Variants in POLA2 observed in about 807,000 individuals in gnomAD.
POLA2 encodes the protein DNA polymerase alpha subunit B.
Under a neutral mutation model 82.8 loss-of-function variants are expected in POLA2, and 47 were observed. The observed-to-expected ratio is 0.57, with a 90% CI of 0.45 to 0.72. POLA2 has a LOEUF of 0.72. POLA2 is among the 30% of genes least tolerant of loss of function. The pLI, the probability that POLA2 is intolerant of heterozygous loss-of-function variation, is 0.00. For missense variants in POLA2, 634 were observed against 728.1 expected, an observed-to-expected ratio of 0.87 and a Z score of 1.49; for synonymous variants, 287 against 286.8, an observed-to-expected ratio of 1.00 and a Z score of -0.01.
intron 4 of POLA2, among the ~76,000 whole-genome samples, chr11:65,271,386 A>G (rs564477377): frequency 2.0e-5 from 3 of 152,212 alleles, no homozygotes; most frequent in Non-Finnish European, 4.4e-5. Context: ...TCCAGAATTG[A>G]TCATATTCCG....
Position 65,287,839 on chromosome 11 carries a change from T to C in POLA2, c.1130T>C (p.Leu377Pro). ...INHDRPDVCI[L>P]FGPFLDAKHE... The stretch of plus-strand genomic sequence containing the variant: ...CATGACCGGCCAGATGTCTGCATCC[T>C]GGTAAGAGGCACCAGTGGGAAAGCT... Residue 377 changes from leucine (L) to proline (P), a missense_variant and splice_region_variant, in exon 11 of 18, where the codon CTG (leucine) becomes CCG (proline). Coordinates refer to ENST00000265465, the MANE Select transcript of POLA2 (RefSeq NM_002689.4). 1 of 1,613,230 alleles carries C rather than the reference T, an allele frequency of 6.2e-7. No individual in the cohort carries two copies. Among genetic ancestry groups the C allele is most frequent in the African/African-American group, 1.3e-5 (1 of 74,996 alleles).
At chr11:65,296,244 C>G (rs553879805) in intron 17 of POLA2, 4 of 414,718 alleles carry the variant, frequency 9.6e-6, no homozygotes, top group Non-Finnish European at 1.8e-5. Context: ...TAGGAAGGCC[C>G]TCAAATGAGG....
chr11:65,272,436 A>G, intron 4 of POLA2, among the ~76,000 whole-genome samples: 1 of 152,112 alleles, frequency 6.6e-6, no homozygotes, highest in East Asian at 1.9e-4. Context: ...TATGTCAGTG[A>G]TTTTAGCTTA....
chr11:65,272,591 A>G (rs1276619776), intron 4 of POLA2, among the ~76,000 whole-genome samples: 2 of 152,202 alleles, frequency 1.3e-5, no homozygotes, highest in Admixed American at 6.5e-5. Context: ...ACCCTTGGCA[A>G]TTATATTTCT....
Position 65,279,586 on chromosome 11 carries a change from A to G in POLA2, c.704A>G (p.Tyr235Cys), listed in dbSNP as rs749689852. 6.2e-7 allele frequency: 1 copy of G among 1,613,882 alleles called. No individual in the cohort carries two copies. Among genetic ancestry groups the G allele is most frequent in the Non-Finnish European group, 8.5e-7 (1 of 1,179,798 alleles). ...EELGSELKEH[Y>C]KIEAFTPLLA... Reference sequence around the variant, plus strand: ...CTTGGCAGCGAACTCAAGGAACATTACAAGATTGAAGCTTTCACTCCTTTG... The same window carrying G: ...CTTGGCAGCGAACTCAAGGAACATTGCAAGATTGAAGCTTTCACTCCTTTG... Residue 235 changes from tyrosine (Y) to cysteine (C), a missense_variant, in exon 7 of 18, where the codon TAC becomes TGC. Transcript: ENST00000265465.
intron 17 of POLA2, chr11:65,296,300 G>A (rs1007456666): frequency 1.4e-5 from 4 of 281,862 alleles, no homozygotes; most frequent in African/African-American, 8.7e-5. Flanking sequence ...GATTTCATAT[G>A]TACACTTGCC....
chr11:65,289,051 T>C lies in POLA2; in HGVS notation c.1133T>C (p.Phe378Ser), dbSNP rs1473082041. 2 of 1,613,688 alleles carry C rather than the reference T, an allele frequency of 1.2e-6. No homozygotes were observed. Among genetic ancestry groups the C allele is most frequent in the African/African-American group, 2.7e-5 (2 of 75,036 alleles). ...NHDRPDVCIL[F>S]GPFLDAKHEQ... Reference sequence around the variant, plus strand: ...GTGTCTTTGTTTCTCCCCTTGCAGTTTGGCCCTTTCCTGGATGCTAAGCAT... The same window carrying C: ...GTGTCTTTGTTTCTCCCCTTGCAGTCTGGCCCTTTCCTGGATGCTAAGCAT... The change falls in exon 12 of 18, where the codon TTT becomes TCT. Residue 378 changes from phenylalanine (F) to serine (S), a missense_variant and splice_region_variant. By Grantham distance (155) the Phe-to-Ser change is radical. Coordinates refer to ENST00000265465, the MANE Select transcript of POLA2 (RefSeq NM_002689.4).
rs772298270 is a variant in POLA2, at chr11:65,263,827, C to CA, written c.79+1470dup. Among the ~76,000 whole-genome samples, 196 of 103,166 alleles carry CA rather than the reference C, an allele frequency of 1.9e-3. 1 individual carries two copies. Among genetic ancestry groups the CA allele is most frequent in the Admixed American group, 6.7e-3 (67 of 10,018 alleles). 67.7% of individuals were successfully genotyped at this position (103,166 alleles called of 152,430 possible). On this transcript the variant is annotated intron_variant, in intron 1 of 17. Transcript: ENST00000265465. ...GGGCAACAGGAGCGAGACTCTGTCT[C>CA]AAAAAAAAAAAAAAGACTTAAGTGG...
chr11:65,290,300 G>A (rs1024409813), intron 13 of POLA2, among the ~76,000 whole-genome samples: 1 of 148,384 alleles, frequency 6.7e-6, no homozygotes, highest in Admixed American at 6.7e-5. Flanking sequence ...ACTTTGGGAG[G>A]CCAAAGCAGG....
rs1949823177 is a variant in POLA2 at position 65,297,356 on chromosome 11, G to T, written c.*87G>T. ...ACATAGCCCTGTGACAAGGTGAACA[G>T]TTGGGTGGGAAAGGAGAGAGGAGCC... On this transcript the variant is annotated 3_prime_UTR_variant, in exon 18 of 18. Transcript: ENST00000265465. 4 of 1,441,618 alleles carry T rather than the reference G, an allele frequency of 2.8e-6. No homozygotes were observed. Among genetic ancestry groups the T allele is most frequent in the Non-Finnish European group, 9.2e-7 (1 of 1,091,162 alleles). 89.3% of individuals were successfully genotyped at this position (1,441,618 alleles called of 1,614,324 possible). A position where few individuals can be genotyped will look rare whatever the true frequency, so the allele number is the denominator to read the frequency against.
intron 10 of POLA2, among the ~76,000 whole-genome samples, chr11:65,286,894 G>A (rs1226901788): frequency 6.6e-6 from 1 of 152,144 alleles, no homozygotes; most frequent in Non-Finnish European, 1.5e-5. Context: ...GCTAGAAACC[G>A]AGGCTTGGAA....
intron 13 of POLA2, among the ~76,000 whole-genome samples, chr11:65,290,669 T>A (rs1949745629): frequency 6.6e-6 from 1 of 152,260 alleles, no homozygotes; most frequent in East Asian, 1.9e-4. Flanking sequence ...TTGACAAGGC[T>A]GCATCGGCTC....
At chr11:65,287,684 C>T (rs759566526) in intron 10 of POLA2, 32 bp from the exon 11 acceptor site, 10 of 1,597,932 alleles carry the variant, frequency 6.3e-6, no homozygotes, top group South Asian at 1.1e-5. Flanking sequence ...TACTAGTCCT[C>T]TTCTAATCAA....
At chr11:65,266,284 C>G (rs1410537749) in intron 1 of POLA2, among the ~76,000 whole-genome samples, 1 of 152,210 alleles carries the variant, frequency 6.6e-6, no homozygotes, top group Non-Finnish European at 1.5e-5. Flanking sequence ...AGTCCAGCCA[C>G]TTCTCGCCAT....
At chr11:65,266,448 T>G in intron 1 of POLA2, 134 bp from the exon 2 acceptor site, 1 of 851,546 alleles carries the variant, frequency 1.2e-6, no homozygotes, top group Non-Finnish European at 1.8e-6. Flanking sequence ...GTTTTCTCAT[T>G]GCCCAAAACA....
intron 5 of POLA2, 30 bp from the exon 6 acceptor site, chr11:65,278,700 G>A: frequency 1.3e-6 from 2 of 1,571,680 alleles, no homozygotes; most frequent in Non-Finnish European, 1.7e-6. Context: ...TATGAACACA[G>A]TAATATTAAC....
At chr11:65,302,839 T>C (rs111539029), downstream of POLA2, among the ~76,000 whole-genome samples, 4,817 of 152,050 alleles carry the variant, frequency 0.032, 242 homozygotes, top group African/African-American at 0.11. Context: ...GTGATCCTCT[T>C]GCATCCGCCT....
At chr11:65,263,052 G>A (rs1949415957) in intron 1 of POLA2, among the ~76,000 whole-genome samples, 1 of 152,036 alleles carries the variant, frequency 6.6e-6, no homozygotes, top group South Asian at 2.1e-4. Context: ...GCAAAGCCTG[G>A]GAGATGTGGA....
intron 12 of POLA2, 68 bp from the exon 13 acceptor site, chr11:65,289,731 C>A: frequency 9.8e-7 from 1 of 1,018,384 alleles, no homozygotes; most frequent in Non-Finnish European, 1.5e-6. Context: ...GGTCACCTAA[C>A]AATGTTAAAC....
Sources: allele counts gnomAD v4.1 joint callset (sites outside exome capture counted in the v4.1 genomes callset), GRCh38; gene constraint gnomAD v4.1.1; transcripts MANE v1.5; gene names NCBI Gene and HGNC (gene_info 2026-07-23, HGNC 2026-07-21).